Variants in DCC observed in about 807,000 individuals in gnomAD.
DCC encodes the protein netrin receptor DCC.
A neutral mutation model predicts 172.5 loss-of-function variants in DCC; 58 were observed. The ratio of observed to expected loss-of-function variants is 0.34; its 90% CI spans 0.27 to 0.42. The LOEUF (loss-of-function observed/expected upper bound fraction) is 0.42, where lower values mean the gene tolerates loss of function less well. Ranked by LOEUF, DCC falls within the 10% of genes least tolerant of loss-of-function variation. DCC has a pLI of 1.00. For missense variants in DCC, 1,740 were observed against 1,791.0 expected (o/e 0.97, Z 0.51); for synonymous variants, 709 against 644.5 (o/e 1.10, Z -1.52).
At chr18:52,858,587 C>T (rs1415920125) in intron 2 of DCC, among the ~76,000 whole-genome samples, 3 of 152,140 alleles carry the variant, frequency 2.0e-5, no homozygotes, top group African/African-American at 4.8e-5. Flanking sequence ...CTGGGTCCCC[C>T]GTGTATCTGC....
chr18:52,852,725 T>C (rs2038995729), intron 2 of DCC, among the ~76,000 whole-genome samples: 1 of 151,928 alleles, frequency 6.6e-6, no homozygotes, highest in African/African-American at 2.4e-5. Flanking sequence ...TGGGCATTTG[T>C]TGAACACTGG....
At chr18:53,468,093 T>A in intron 25 of DCC, 83 bp downstream of exon 25, 1 of 795,358 alleles carries the variant, frequency 1.3e-6, no homozygotes. Flanking sequence ...TTATCAAAAG[T>A]AATTATAATT....
intron 12 of DCC, among the ~76,000 whole-genome samples, chr18:53,220,136 G>GA (rs888879641): frequency 4.6e-5 from 7 of 152,024 alleles, no homozygotes; most frequent in African/African-American, 1.7e-4. Context: ...TGGAGGCAAG[G>GA]AAAAAATGTG....
intron 27 of DCC, among the ~76,000 whole-genome samples, chr18:53,510,413 T>C (rs2046236356): frequency 6.6e-6 from 1 of 152,206 alleles, no homozygotes; most frequent in South Asian, 2.1e-4. Flanking sequence ...TAAATGTTTA[T>C]TTGAGCAGTC....
chr18:52,828,394 CACTT>C (rs1227685662), intron 2 of DCC, among the ~76,000 whole-genome samples: 1 of 151,950 alleles, frequency 6.6e-6, no homozygotes, highest in Non-Finnish European at 1.5e-5. Context: ...CACCAAAAGA[CACTT>C]ACAACCCCGT....
intron 12 of DCC, among the ~76,000 whole-genome samples, chr18:53,280,570 G>A (rs1055127347): frequency 3.3e-5 from 5 of 152,088 alleles, no homozygotes; most frequent in Non-Finnish European, 4.4e-5. Context: ...GAGCCACCCT[G>A]TTTTATTCAT....
chr18:52,369,810 A>G (rs1183153282), intron 1 of DCC, among the ~76,000 whole-genome samples: 2 of 152,134 alleles, frequency 1.3e-5, no homozygotes, highest in African/African-American at 4.8e-5. Flanking sequence ...TGCAATTACC[A>G]GAGTGAATGT....
At chr18:53,176,962 A>C (rs539269114) in intron 8 of DCC, among the ~76,000 whole-genome samples, 38 of 152,006 alleles carry the variant, frequency 2.5e-4, no homozygotes, top group Admixed American at 2.2e-3. Flanking sequence ...GGATTAAGAA[A>C]ATGTGGCACA....
At chr18:52,971,366 A>G (rs982715605) in intron 5 of DCC, among the ~76,000 whole-genome samples, 2 of 152,152 alleles carry the variant, frequency 1.3e-5, no homozygotes, top group Non-Finnish European at 1.5e-5. Context: ...TTAGCAATGG[A>G]TGTATAATTC....
intron 8 of DCC, among the ~76,000 whole-genome samples, chr18:53,159,471 G>A (rs1050966580): frequency 2.0e-5 from 3 of 152,100 alleles, no homozygotes; most frequent in African/African-American, 7.2e-5. Context: ...TCTGGGAATC[G>A]CTCCTCACCT....
intron 2 of DCC, among the ~76,000 whole-genome samples, chr18:52,812,322 T>C (rs1240686979): frequency 6.6e-6 from 1 of 151,936 alleles, no homozygotes; most frequent in African/African-American, 2.4e-5. Flanking sequence ...TCAATGTCTA[T>C]GCCTTGCTTC....
At chr18:52,776,357 A>C (rs2037432522) in intron 2 of DCC, among the ~76,000 whole-genome samples, 1 of 151,746 alleles carries the variant, frequency 6.6e-6, no homozygotes. Context: ...AAAATGTATT[A>C]GGTTTGTTAA....
At chr18:52,612,661 A>T (rs928364468) in intron 1 of DCC, among the ~76,000 whole-genome samples, 5 of 151,756 alleles carry the variant, frequency 3.3e-5, no homozygotes, top group Admixed American at 3.3e-4. Flanking sequence ...GTCTTATTTT[A>T]TTACTTCTGT....
intron 5 of DCC, among the ~76,000 whole-genome samples, chr18:53,030,878 A>C (rs2042017187): frequency 1.3e-5 from 2 of 152,156 alleles, no homozygotes; most frequent in African/African-American, 4.8e-5. Context: ...GTGACCTGGA[A>C]TTTTATCTAT....
chr18:52,829,040 T>G (rs1458791829), intron 2 of DCC, among the ~76,000 whole-genome samples: 1 of 152,210 alleles, frequency 6.6e-6, no homozygotes, highest in Non-Finnish European at 1.5e-5. Context: ...TAGGTCAAAT[T>G]AAATACTAGC....
At chr18:52,910,602 G>A (rs1474488241) in intron 3 of DCC, among the ~76,000 whole-genome samples, 1 of 152,130 alleles carries the variant, frequency 6.6e-6, no homozygotes, top group East Asian at 1.9e-4. Context: ...CATTGTGGTT[G>A]TCAAGTTCAC....
chr18:53,231,841 G>A lies in DCC; in HGVS notation c.1911+16244G>A, dbSNP rs545993641. Among the ~76,000 whole-genome samples the A allele has an allele frequency of 4.3e-4, 65 of 152,134 alleles. No homozygotes were observed. The Middle Eastern group carries it at 0.017, about 40-fold the overall frequency. Reference sequence around the variant, plus strand: ...ACAGAAAAACAGAATCACCAAAAATGTATCTTTAGACTGTAATTCTTATTT... The same window carrying A: ...ACAGAAAAACAGAATCACCAAAAATATATCTTTAGACTGTAATTCTTATTT... On this transcript the variant is annotated intron_variant, in intron 12 of 28. Transcript: ENST00000442544.
intron 2 of DCC, among the ~76,000 whole-genome samples, chr18:52,835,065 G>T (rs1485775551): frequency 6.6e-6 from 1 of 152,124 alleles, no homozygotes; most frequent in Non-Finnish European, 1.5e-5. Context: ...TAGGCAAACA[G>T]CTTTTTAAAT....
chr18:52,773,784 C>T (rs933835436), intron 2 of DCC, among the ~76,000 whole-genome samples: 1 of 152,174 alleles, frequency 6.6e-6, no homozygotes, highest in African/African-American at 2.4e-5. Flanking sequence ...CTGCCTCAGC[C>T]TCCTAAAGTG....
Sources: gnomAD v4.1 joint callset for allele counts (sites outside exome capture counted in the v4.1 genomes callset) on GRCh38, gnomAD v4.1.1 for gene constraint, MANE v1.5 for transcripts, NCBI Gene and HGNC (gene_info 2026-07-23, HGNC 2026-07-21) for gene names.